SATB2: variants seen among roughly 807,000 people sequenced by gnomAD.
The protein encoded by SATB2 is SATB homeobox 2.
Under a neutral mutation model 73.4 loss-of-function variants are expected in SATB2, and 1 was observed. The observed-to-expected ratio is 0.01, with a 90% confidence interval of 0.00 to 0.06. SATB2 has a LOEUF of 0.06. Among genes scored for constraint, SATB2 ranks in the 10% least tolerant of loss-of-function variants. The pLI is 1.00. For synonymous variants in SATB2, 397 were observed against 367.0 expected, an observed-to-expected ratio of 1.08 and a Z score of -0.93; for missense variants, 459 against 945.8, an observed-to-expected ratio of 0.49 and a Z score of 6.75.
intron 7 of SATB2, among the ~76,000 whole-genome samples, chr2:199,346,700 A>G (rs891944693): frequency 3.9e-5 from 6 of 152,306 alleles, no homozygotes; most frequent in African/African-American, 1.4e-4. Context: ...AACCAAAAGT[A>G]AACAGACCCT....
chr2:199,412,680 G>T (rs929026790), intron 3 of SATB2, among the ~76,000 whole-genome samples: 1 of 151,686 alleles, frequency 6.6e-6, no homozygotes, highest in Non-Finnish European at 1.5e-5. Context: ...GGACACATAT[G>T]AACCAGTCTT....
chr2:199,454,413 G>GTA (rs1414721779), intron 2 of SATB2, among the ~76,000 whole-genome samples: 2 of 152,064 alleles, frequency 1.3e-5, no homozygotes, highest in Non-Finnish European at 2.9e-5. Context: ...CATACTCTAT[G>GTA]AATTTTTATT....
At chr2:199,356,166 A>G (rs1688976033) in intron 6 of SATB2, among the ~76,000 whole-genome samples, 2 of 151,264 alleles carry the variant, frequency 1.3e-5, no homozygotes, top group Non-Finnish European at 2.9e-5. Flanking sequence ...CCTTAATAAG[A>G]TAACACTCTA....
At chr2:199,306,886 T>C (rs1051075196) in intron 10 of SATB2, among the ~76,000 whole-genome samples, 1 of 152,230 alleles carries the variant, frequency 6.6e-6, no homozygotes, top group African/African-American at 2.4e-5. Context: ...TTTCTCTAAG[T>C]TTCCAACTTT....
intron 6 of SATB2, among the ~76,000 whole-genome samples, chr2:199,355,340 G>GTATCTA (rs1445800916): frequency 1.9e-3 from 26 of 13,856 alleles, no homozygotes; most frequent in Admixed American, 3.8e-3. Context: ...GTGTGTGTGT[G>GTATCTA]TGTGTATCTA....
At chr2:199,297,218 C>T (rs752030773) in intron 10 of SATB2, among the ~76,000 whole-genome samples, 2 of 152,206 alleles carry the variant, frequency 1.3e-5, no homozygotes, top group Non-Finnish European at 2.9e-5. Context: ...AACTACACTT[C>T]AAATAATTTG....
chr2:199,375,337 AG>A (rs1338515301), intron 5 of SATB2, among the ~76,000 whole-genome samples: 10 of 152,228 alleles, frequency 6.6e-5, no homozygotes, highest in Admixed American at 6.5e-4. Context: ...TCAGAGGAAA[AG>A]GAAGAGGTGC....
At chr2:199,312,944 T>C (rs1192341242) in intron 9 of SATB2, among the ~76,000 whole-genome samples, 2 of 152,036 alleles carry the variant, frequency 1.3e-5, no homozygotes, top group African/African-American at 4.8e-5. Flanking sequence ...AAGAAAAGAC[T>C]TAAGAACCGT....
chr2:199,345,354 T>C (rs1191145333), intron 7 of SATB2, among the ~76,000 whole-genome samples: 4 of 152,084 alleles, frequency 2.6e-5, no homozygotes, highest in African/African-American at 4.8e-5. Flanking sequence ...ACATGTGCCA[T>C]GTTGGTGTGC....
intron 7 of SATB2, chr2:199,347,464 C>T (rs932165164): frequency 6.6e-6 from 1 of 152,170 alleles, no homozygotes; most frequent in Non-Finnish European, 1.5e-5. Flanking sequence ...TCTTCATCAT[C>T]TTTGCCTGCT....
At chr2:199,388,397 A>G (rs777767335) in intron 3 of SATB2, among the ~76,000 whole-genome samples, 2 of 152,170 alleles carry the variant, frequency 1.3e-5, no homozygotes, top group Non-Finnish European at 2.9e-5. Context: ...CTTAAATATG[A>G]GAAATATTTA....
At chr2:199,465,709 T>C (rs1157725943), upstream of SATB2, among the ~76,000 whole-genome samples, 1 of 152,244 alleles carries the variant, frequency 6.6e-6, no homozygotes, top group Non-Finnish European at 1.5e-5. Flanking sequence ...TCTCCAACCA[T>C]AGTGATATAT....
In SATB2 at chr2:199,323,815, T is replaced by C. The variant is rs377035208; in HGVS notation, c.1530A>G (p.Ala510=). 6.8e-6 allele frequency: 11 copies of C among 1,613,388 alleles called. No homozygotes were observed. The African/African-American group carries it at 1.3e-4, about 20-fold the overall frequency. Residue 510 remains alanine, a synonymous_variant, in exon 9 of 11, where the codon GCA becomes GCG. Coordinates refer to ENST00000417098, the MANE Select transcript of SATB2 (RefSeq NM_001172509.2). ...AAAAACCACTCACCTGACTTTTATTTGCAGCCACTTTGGCAAACAGGGCTT... is the reference window on the plus strand; with the variant it reads ...AAAAACCACTCACCTGACTTTTATTCGCAGCCACTTTGGCAAACAGGGCTT... ...VSQALFAKVA[A]NKSQGWLCEL...
intron 3 of SATB2, among the ~76,000 whole-genome samples, chr2:199,414,496 A>G (rs1463653390): frequency 6.6e-6 from 1 of 152,008 alleles, no homozygotes; most frequent in Admixed American, 6.6e-5. Flanking sequence ...ATAAATACAT[A>G]CCCCTCTCCT....
chr2:199,427,191 T>G (rs961193017), intron 3 of SATB2, among the ~76,000 whole-genome samples: 3 of 152,226 alleles, frequency 2.0e-5, no homozygotes, highest in African/African-American at 7.2e-5. Context: ...AATTGTTTAT[T>G]TAAAATCATA....
chr2:199,455,804 A>C lies in SATB2; in HGVS notation c.169+65T>G. On this transcript the variant is annotated intron_variant, in intron 2 of 10. Coordinates refer to ENST00000417098, the MANE Select transcript of SATB2 (RefSeq NM_001172509.2). This position sits in a 1 kb window ranked among gnomAD's most constrained non-coding sequence, Gnocchi z 4.1. Reference sequence around the variant, plus strand: ...CCGCGACAGCGCCTAATCAACCTGAACCCTGACACCCGGGCCATTATCACT... The same window carrying C: ...CCGCGACAGCGCCTAATCAACCTGACCCCTGACACCCGGGCCATTATCACT... 2.0e-6 allele frequency: 3 copies of C among 1,511,834 alleles called. No homozygotes were observed. Among genetic ancestry groups the C allele is most frequent in the South Asian group, 2.4e-5 (2 of 83,406 alleles). The allele number at this position is 1,511,834 out of a possible 1,614,324, so 93.7% of individuals were successfully genotyped here. A position where few individuals can be genotyped will look rare whatever the true frequency, so the allele number is the denominator to read the frequency against.
chr2:199,383,453 C>T (rs1689836605), intron 3 of SATB2, among the ~76,000 whole-genome samples: 1 of 152,196 alleles, frequency 6.6e-6, no homozygotes, highest in Non-Finnish European at 1.5e-5. Flanking sequence ...AACCATGTAA[C>T]ATGTCTAACA....
At chr2:199,375,873 G>A (rs1689584402) in intron 5 of SATB2, among the ~76,000 whole-genome samples, 1 of 152,114 alleles carries the variant, frequency 6.6e-6, no homozygotes, top group South Asian at 2.1e-4. Context: ...TTCTTAATCA[G>A]GACTCCAGGA....
At chr2:199,429,773 G>C (rs1245160672) in intron 3 of SATB2, among the ~76,000 whole-genome samples, 1 of 152,150 alleles carries the variant, frequency 6.6e-6, no homozygotes, top group Admixed American at 6.5e-5. Context: ...AGCCAGGCTT[G>C]GTGGCAGGCG....
Sources: allele counts gnomAD v4.1 joint callset (sites outside exome capture counted in the v4.1 genomes callset), GRCh38; gene constraint gnomAD v4.1.1; non-coding constraint Gnocchi (gnomAD v3.1); transcripts MANE v1.5; gene names NCBI Gene and HGNC (gene_info 2026-07-23, HGNC 2026-07-21).